Variants in DNAH17 observed in about 807,000 individuals in gnomAD.
The protein encoded by DNAH17 is axonemal beta dynein heavy chain 17.
DNAH17 carries 376 observed loss-of-function variants against 485.6 expected under a neutral mutation model. That is an observed-to-expected ratio of 0.77 (90% CI 0.71 to 0.84). The LOEUF (loss-of-function observed/expected upper bound fraction) is 0.84, where lower values mean the gene tolerates loss of function less well. DNAH17 is among the 40% of genes least tolerant of loss of function. The pLI is 0.00. For synonymous variants in DNAH17, 3,031 were observed against 2,405.9 expected (o/e 1.26, Z -7.60); for missense variants, 6,370 against 5,839.3 (o/e 1.09, Z -2.96).
chr17:78,517,516 C>T (rs1439124344), intron 25 of DNAH17, among the ~76,000 whole-genome samples: 1 of 152,228 alleles, frequency 6.6e-6, no homozygotes, highest in Non-Finnish European at 1.5e-5. Flanking sequence ...TCCCTTCACA[C>T]ACTGAGACTT....
intron 7 of DNAH17, among the ~76,000 whole-genome samples, chr17:78,569,804 A>G (rs2092324100): frequency 6.6e-6 from 1 of 152,216 alleles, no homozygotes; most frequent in South Asian, 2.1e-4. Flanking sequence ...CTGGTCCTGC[A>G]GACGGGGCCA....
At chr17:78,526,440 T>TG (rs1020974999) in intron 24 of DNAH17, among the ~76,000 whole-genome samples, 7 of 152,092 alleles carry the variant, frequency 4.6e-5, no homozygotes, top group Admixed American at 6.5e-5. Context: ...CCATGTGGTC[T>TG]GGGGGGCTGC....
At chr17:78,438,338 G>A (rs548996892) in intron 73 of DNAH17, among the ~76,000 whole-genome samples, 1 of 145,246 alleles carries the variant, frequency 6.9e-6, no homozygotes, top group East Asian at 2.1e-4. Context: ...CAGGGCTGAG[G>A]AGGGGTGGTC....
At chr17:78,476,795 C>A (rs752653429) in intron 51 of DNAH17, 62 bp from the exon 52 acceptor site, 51 of 1,561,018 alleles carry the variant, frequency 3.3e-5, no homozygotes, top group Admixed American at 9.5e-5. Context: ...CAGAGCTGGA[C>A]ACAGATGACC....
rs1216349834 is a variant in DNAH17, at chr17:78,543,113, AGGTTT to A, written c.2532+739_2532+743del. On this transcript the variant is annotated intron_variant, in intron 17 of 80. Coordinates refer to ENST00000389840, the MANE Select transcript of DNAH17 (RefSeq NM_173628.4). ...AAGGCTCGCTTGGATTAAAGATCATAGGTTTTGTTTTGTTTTGTTTTGAGATAGTC... is the reference window on the plus strand; with the variant it reads ...AAGGCTCGCTTGGATTAAAGATCATATGTTTTGTTTTGTTTTGAGATAGTC... Among the ~76,000 whole-genome samples the A allele has an allele frequency of 4.1e-3, 427 of 103,734 alleles. 7 individuals carry two copies. Among genetic ancestry groups the A allele is most frequent in the Middle Eastern group, 8.2e-3 (2 of 244 alleles). The allele number at this position is 103,734 out of a possible 152,430, so 68.1% of individuals were successfully genotyped here.
chr17:78,529,188 C>A (rs2091160231), intron 22 of DNAH17, among the ~76,000 whole-genome samples: 1 of 152,158 alleles, frequency 6.6e-6, no homozygotes. Flanking sequence ...AATCTGCCCA[C>A]CTTGGCCTCC....
chr17:78,506,684 T>C, intron 30 of DNAH17, 36 bp downstream of exon 30: 1 of 1,613,168 alleles, frequency 6.2e-7, no homozygotes, highest in Non-Finnish European at 8.5e-7. Flanking sequence ...GGCATGATGT[T>C]GGCTTAAACA....
chr17:78,525,870 G>A (rs1254202278), intron 24 of DNAH17, among the ~76,000 whole-genome samples: 3 of 152,252 alleles, frequency 2.0e-5, no homozygotes, highest in South Asian at 2.1e-4. Context: ...AGGAAAGGTC[G>A]GATTGGAGCT....
At chr17:78,494,476 T>C (rs555393043) in intron 40 of DNAH17, 117 bp downstream of exon 40, 2 of 1,218,118 alleles carry the variant, frequency 1.6e-6, no homozygotes, top group East Asian at 2.4e-5. Context: ...GAGGTCTCTT[T>C]GTAGCATCGG....
intron 55 of DNAH17, 83 bp from the exon 56 acceptor site, chr17:78,466,899 A>G: frequency 7.1e-7 from 1 of 1,402,280 alleles, no homozygotes; most frequent in Middle Eastern, 1.9e-4. Context: ...AAGCTCTGCC[A>G]GAAAGCAACG....
chr17:78,478,669 C>G (rs993424263), intron 51 of DNAH17, among the ~76,000 whole-genome samples: 1 of 150,976 alleles, frequency 6.6e-6, no homozygotes, highest in Non-Finnish European at 1.5e-5. Context: ...TCACTACCAT[C>G]ACTACCACCA....
chr17:78,487,465 G>A (rs1275005721), intron 44 of DNAH17, among the ~76,000 whole-genome samples: 1 of 152,194 alleles, frequency 6.6e-6, no homozygotes, highest in Non-Finnish European at 1.5e-5. Context: ...GCCTAAGCAG[G>A]AAGCTCCTGT....
rs761019098 is a variant in DNAH17, at chr17:78,458,564, C to T, written c.9977+1G>A. 19 of 1,612,804 alleles carry T rather than the reference C, an allele frequency of 1.2e-5. No individual in the cohort carries two copies. The highest frequency in any genetic ancestry group is 1.7e-5 in the Admixed American group (1 of 59,988). Reference sequence around the variant, plus strand: ...GGGTGGTCTCGGGGAGGAGCTGATACCTGTTCGCCAGTAAGATCACCCTGT... The same window carrying T: ...GGGTGGTCTCGGGGAGGAGCTGATATCTGTTCGCCAGTAAGATCACCCTGT... On this transcript the variant is annotated splice_donor_variant, in intron 62 of 80. Transcript: ENST00000389840. LOFTEE classifies it high-confidence loss of function.
At chr17:78,503,177 T>A (rs1182793488) in intron 31 of DNAH17, 166 bp from the exon 32 acceptor site, 2 of 369,584 alleles carry the variant, frequency 5.4e-6, no homozygotes, top group Non-Finnish European at 3.8e-6. Context: ...ACCTTTTTTT[T>A]TTTTTTTTTT....
chr17:78,490,872 G>A lies in DNAH17; in HGVS notation c.6670-25C>T, dbSNP rs555710552. On this transcript the variant is annotated intron_variant, in intron 43 of 80. Coordinates refer to ENST00000389840, the MANE Select transcript of DNAH17 (RefSeq NM_173628.4). ...CCTAGGAGGGGGACAGCAGCCCGTG[G>A]GGTCCTAAGGCGACACCTGCCATCC... 19 of 1,568,660 alleles carry A rather than the reference G, an allele frequency of 1.2e-5. No homozygotes were observed. The East Asian group carries it at 3.9e-4, about 33-fold the overall frequency.
intron 55 of DNAH17, among the ~76,000 whole-genome samples, chr17:78,467,659 G>A (rs2088539344): frequency 6.6e-6 from 1 of 152,196 alleles, no homozygotes; most frequent in African/African-American, 2.4e-5. Context: ...CAGCACCACT[G>A]AACTCTGGAG....
intron 78 of DNAH17, 163 bp from the exon 79 acceptor site, chr17:78,426,763 T>A: frequency 7.8e-7 from 1 of 1,283,240 alleles, no homozygotes; most frequent in Non-Finnish European, 1.1e-6. Flanking sequence ...AGGAACGGTC[T>A]AGATGAGCTC....
At chr17:78,516,705 A>T (rs562966781) in intron 25 of DNAH17, among the ~76,000 whole-genome samples, 215 of 151,696 alleles carry the variant, frequency 1.4e-3, no homozygotes, top group African/African-American at 5.0e-3. Flanking sequence ...AAAAAAAAAA[A>T]AAAAAAAGAG....
At position 78,455,387 on chromosome 17, in the gene DNAH17, G is replaced by A. The variant is rs140889233; in HGVS notation, c.10170+257C>T. Among the ~76,000 whole-genome samples, 395 of 151,580 alleles carry A rather than the reference G, an allele frequency of 2.6e-3. 1 individual carries two copies. The highest frequency in any genetic ancestry group is 0.014 in the South Asian group (65 of 4,796). ...GTCGTCCAGGTTGGAATGCAGTAGT[G>A]TGATCTCTGCTCACTGCAACCTCCG... is the stretch of plus-strand genomic sequence containing the variant. On this transcript the variant is annotated intron_variant, in intron 63 of 80. Transcript: ENST00000389840.
Sources: gnomAD v4.1 joint callset for allele counts (sites outside exome capture counted in the v4.1 genomes callset) on GRCh38, gnomAD v4.1.1 for gene constraint, MANE v1.5 for transcripts, NCBI Gene and HGNC (gene_info 2026-07-23, HGNC 2026-07-21) for gene names.